SLC28A1: variants seen among roughly 807,000 people sequenced by gnomAD.
SLC28A1 encodes sodium/nucleoside cotransporter 1.
A neutral mutation model predicts 74.8 loss-of-function variants in SLC28A1; 64 were observed. The observed-to-expected ratio is 0.86, with a 90% CI of 0.70 to 1.05. The LOEUF is 1.05. SLC28A1 is among the 50% of genes least tolerant of loss of function. The pLI, the probability that SLC28A1 is intolerant of heterozygous loss-of-function variation, is 0.00. For synonymous variants in SLC28A1, 359 were observed against 335.0 expected (o/e 1.07, Z -0.78); for missense variants, 828 against 822.8 (o/e 1.01, Z -0.08).
chr15:84,898,993 G>T (rs1966313627), intron 6 of SLC28A1, among the ~76,000 whole-genome samples: 1 of 152,144 alleles, frequency 6.6e-6, no homozygotes, highest in Non-Finnish European at 1.5e-5. Context: ...ACATGCAGTT[G>T]AGTTCTGCTC....
At chr15:84,898,579 C>CAA (rs34936074) in intron 6 of SLC28A1, among the ~76,000 whole-genome samples, 62,887 of 137,758 alleles carry the variant, frequency 0.46, 15,136 homozygotes, top group South Asian at 0.62. Context: ...ACTCCATCAC[C>CAA]AAAAAAAAAA....
chr15:84,909,150 G>A (rs1967763455), intron 9 of SLC28A1, among the ~76,000 whole-genome samples: 1 of 152,134 alleles, frequency 6.6e-6, no homozygotes, highest in South Asian at 2.1e-4. Flanking sequence ...TCCCTGATGT[G>A]CTGCAGAGAC....
downstream of SLC28A1, among the ~76,000 whole-genome samples, chr15:84,950,356 C>A: frequency 1.4e-5 from 1 of 69,836 alleles, no homozygotes; most frequent in African/African-American, 7.8e-5. Context: ...AGTCGCCAGT[C>A]TCCTTTTTTT....
At chr15:84,956,903 C>T in the SLC28A1 span, among the ~76,000 whole-genome samples, 7 of 152,180 alleles carry the variant, frequency 4.6e-5, no homozygotes, top group East Asian at 1.2e-3. Context: ...AAAGAACACT[C>T]CCAACTAAAC....
At chr15:84,923,842 C>A in intron 11 of SLC28A1, 143 bp from the exon 12 acceptor site, 1 of 1,068,880 alleles carries the variant, frequency 9.4e-7, no homozygotes, top group Non-Finnish European at 1.4e-6. Context: ...TTCAGAGAAG[C>A]TCAGCCAAGT....
intron 11 of SLC28A1, among the ~76,000 whole-genome samples, chr15:84,922,555 C>G (rs1969962025): frequency 6.6e-6 from 1 of 152,184 alleles, no homozygotes; most frequent in Admixed American, 6.5e-5. Context: ...CTCACCTGGA[C>G]ACTGCCGTCT....
chr15:84,916,240 C>CAGGTGTGAGCCACCTTGCCTGGCCTTT (rs1555449976), intron 9 of SLC28A1, among the ~76,000 whole-genome samples: 2 of 98,422 alleles, frequency 2.0e-5, no homozygotes, highest in Admixed American at 9.8e-5. Flanking sequence ...GCTGGGATTA[C>CAGGTGTGAGCCACCTTGCCTGGCCTTT]TTTTTTTTTT....
At chr15:84,946,108 ATATATTTTT>A (rs1407533411), downstream of SLC28A1, among the ~76,000 whole-genome samples, 2 of 11,126 alleles carry the variant, frequency 1.8e-4, no homozygotes, top group African/African-American at 5.5e-4. Flanking sequence ...ATATATATAT[ATATATTTTT>A]TTTTTTTTTT....
At chr15:84,908,178 CTTTTTTTT>C (rs71135328) in intron 8 of SLC28A1, among the ~76,000 whole-genome samples, 2,782 of 91,390 alleles carry the variant, frequency 0.03, 43 homozygotes, top group Non-Finnish European at 0.038. Flanking sequence ...CAGAGCATTT[CTTTTTTTT>C]TTTTTTTTTT....
In SLC28A1 at chr15:84,909,051, G is replaced by A. The variant is rs541248393; in HGVS notation, c.795+256G>A. 4.0e-5 allele frequency among the ~76,000 whole-genome samples: 6 copies of A among 151,636 alleles called. No individual in the cohort carries two copies. The South Asian group carries it at 1.2e-3, about 32-fold the overall frequency. The stretch of plus-strand genomic sequence containing the variant: ...ATTTCTGTATGTTTTTTTTTTTAGA[G>A]ATGAACCTCCAAATTATAGAATTAC... On this transcript the variant is annotated intron_variant, in intron 9 of 18. Coordinates refer to ENST00000394573, the MANE Select transcript of SLC28A1 (RefSeq NM_004213.5).
In SLC28A1 at chr15:84,933,238, A is replaced by C; in HGVS notation, c.1177A>C (p.Lys393Gln). 2 of 1,613,604 alleles carry C rather than the reference A, an allele frequency of 1.2e-6. No homozygotes were observed. The highest frequency in any genetic ancestry group is 4.5e-5 in the East Asian group (2 of 44,828). ...GGTCTACCCGGAGGTGGAGGAGTCC[A>C]AGTTTAGGAGGGAGGAAGGAGTGAA... is the stretch of plus-strand genomic sequence containing the variant. ...KLVYPEVEESKFRREEGVKLT... is the reference protein window; with the variant it reads ...KLVYPEVEESQFRREEGVKLT... The change falls in exon 13 of 19, where the codon AAG becomes CAG. Residue 393 changes from lysine (K) to glutamine (Q), a missense_variant. Physicochemically the swap from Lys to Gln is moderately conservative, Grantham distance 53 (BLOSUM62 1). Transcript: ENST00000394573.
At chr15:84,920,425 G>A (rs1015217188) in intron 10 of SLC28A1, among the ~76,000 whole-genome samples, 1 of 148,234 alleles carries the variant, frequency 6.7e-6, no homozygotes, top group Admixed American at 6.9e-5. Context: ...CAGCCTGGGT[G>A]ACAGAACGAG....
downstream of SLC28A1, among the ~76,000 whole-genome samples, chr15:84,948,170 CT>C (rs1487671463): frequency 1.3e-5 from 2 of 152,170 alleles, no homozygotes; most frequent in African/African-American, 4.8e-5. Context: ...GCCCTCACCT[CT>C]GCTGCCCCCT....
chr15:84,935,600 G>A lies in SLC28A1; in HGVS notation c.1581+82G>A, dbSNP rs938785386. On this transcript the variant is annotated intron_variant, in intron 15 of 18. Transcript: ENST00000394573. ...CAGGGCCCCTGGCAGCTGCTCTCCC[G>A]CTCCCTGGGCCTGGCTGAGACACAC... The A allele has an allele frequency of 1.2e-4, 150 of 1,213,942 alleles. 2 individuals are homozygous for A. The highest frequency in any genetic ancestry group is 2.1e-4 in the Middle Eastern group (1 of 4,850). The allele number at this position is 1,213,942 out of a possible 1,614,324, so 75.2% of individuals were successfully genotyped here. A position where few individuals can be genotyped will look rare whatever the true frequency, so the allele number is the denominator to read the frequency against.
In SLC28A1 at chr15:84,904,025, C is replaced by G. The variant is rs1035252383; in HGVS notation, c.462-72C>G. The G allele has an allele frequency of 4.4e-6, 7 of 1,599,320 alleles. No individual in the cohort carries two copies. In the Admixed American group the frequency reaches 1.2e-4, roughly 27 times the overall value. ...CCTGAGCACCCTTTCTCTGGGTCCC[C>G]GGGTGCTATTGTGTGTGGGTGGGGT... is the stretch of plus-strand genomic sequence containing the variant. On this transcript the variant is annotated intron_variant, in intron 6 of 18. Transcript: ENST00000394573.
Position 84,918,509 on chromosome 15 carries a change from TCTC to T in SLC28A1, c.796-12_796-10del. 6.2e-7 allele frequency: 1 copy of T among 1,610,810 alleles called. No individual in the cohort carries two copies. Among genetic ancestry groups the T allele is most frequent in the Non-Finnish European group, 8.5e-7 (1 of 1,177,164 alleles). On this transcript the variant is annotated splice_polypyrimidine_tract_variant and intron_variant, in intron 9 of 18. Transcript: ENST00000394573. The stretch of plus-strand genomic sequence containing the variant: ...CTGCCTCTAACCTGCGGTCCTATGA[TCTC>T]CTTCCCGGCAGGTTCTGCCCATCAT...
intron 15 of SLC28A1, among the ~76,000 whole-genome samples, chr15:84,936,249 G>GTTTGA (rs1285575884): frequency 6.9e-6 from 1 of 144,490 alleles, no homozygotes; most frequent in Non-Finnish European, 1.5e-5. Flanking sequence ...GGCTGTTTTG[G>GTTTGA]TTTGGTTTGG....
intron 12 of SLC28A1, among the ~76,000 whole-genome samples, chr15:84,924,958 T>C (rs931862338): frequency 1.9e-4 from 29 of 150,334 alleles, no homozygotes; most frequent in Non-Finnish European, 2.5e-4. Flanking sequence ...TGGAGTGCAG[T>C]GGCGCAATCT....
intron 15 of SLC28A1, among the ~76,000 whole-genome samples, chr15:84,939,174 G>A (rs1972343089): frequency 6.6e-6 from 1 of 152,176 alleles, no homozygotes; most frequent in Non-Finnish European, 1.5e-5. Context: ...TTAAAAATTA[G>A]CCAGGTGTAG....
Sources: allele counts gnomAD v4.1 joint callset (sites outside exome capture counted in the v4.1 genomes callset), GRCh38; gene constraint gnomAD v4.1.1; transcripts MANE v1.5; gene names NCBI Gene and HGNC (gene_info 2026-07-23, HGNC 2026-07-21).